The following UNC5D variants were observed in gnomAD, a reference collection of about 807,000 sequenced individuals.
UNC5D encodes the protein unc-5 netrin receptor D, also known as netrin receptor UNC5D.
Under a neutral mutation model 105.4 loss-of-function variants are expected in UNC5D, and 39 were observed. That is an observed-to-expected ratio of 0.37 (90% confidence interval 0.29 to 0.48). The LOEUF is 0.48. Ranked by LOEUF, UNC5D falls within the 20% of genes least tolerant of loss-of-function variation. The pLI is 0.98. For missense variants in UNC5D, 991 were observed against 1,202.4 expected (o/e 0.82, Z 2.60); for synonymous variants, 452 against 450.4 (o/e 1.00, Z -0.04).
chr8:35,303,120 C>CT (rs1208326199), intron 1 of UNC5D, among the ~76,000 whole-genome samples: 1 of 151,870 alleles, frequency 6.6e-6, no homozygotes. Context: ...AGGTATTTTT[C>CT]TTTTTTTAAT....
intron 2 of UNC5D, 143 bp from the exon 3 acceptor site, chr8:35,567,955 A>G (rs879222331): frequency 2.3e-6 from 3 of 1,289,116 alleles, no homozygotes; most frequent in South Asian, 1.5e-5. Flanking sequence ...GCAGTAATAT[A>G]TTATTGTCAA....
intron 1 of UNC5D, among the ~76,000 whole-genome samples, chr8:35,531,013 A>T (rs963682661): frequency 3.0e-4 from 46 of 150,874 alleles, no homozygotes; most frequent in Admixed American, 2.1e-3. Context: ...GGATTCATTG[A>T]TTTTTTGAAG....
In UNC5D at chr8:35,678,120, G is replaced by A. The variant is rs542531350; in HGVS notation, c.571-5427G>A. Among the ~76,000 whole-genome samples the A allele has an allele frequency of 3.0e-4, 46 of 152,176 alleles. 1 individual carries two copies. Among genetic ancestry groups the A allele is most frequent in the Middle Eastern group, 3.4e-3 (1 of 294 alleles). On this transcript the variant is annotated intron_variant, in intron 4 of 16. Transcript: ENST00000404895. ...GCCTATGAGTGATTGGGGGTAGACC[G>A]TACAGCAGGGCCAGCTCATATGATA... is the stretch of plus-strand genomic sequence containing the variant.
At chr8:35,364,590 G>A (rs1304462740) in intron 1 of UNC5D, among the ~76,000 whole-genome samples, 1 of 152,094 alleles carries the variant, frequency 6.6e-6, no homozygotes, top group Non-Finnish European at 1.5e-5. Context: ...TGTTATTGGA[G>A]TACCATTGGT....
intron 1 of UNC5D, among the ~76,000 whole-genome samples, chr8:35,469,932 C>T (rs983362710): frequency 2.6e-5 from 4 of 152,164 alleles, no homozygotes; most frequent in African/African-American, 9.7e-5. Context: ...ACTTCTTGCC[C>T]TTCTTCAATG....
intron 1 of UNC5D, among the ~76,000 whole-genome samples, chr8:35,539,249 A>G (rs1027690404): frequency 6.6e-6 from 1 of 152,214 alleles, no homozygotes. Context: ...GAATTTGGTG[A>G]CAATGGGTAG....
chr8:35,313,374 T>C (rs1237556445), intron 1 of UNC5D, among the ~76,000 whole-genome samples: 2 of 152,138 alleles, frequency 1.3e-5, no homozygotes, highest in Non-Finnish European at 2.9e-5. Flanking sequence ...CATTTGAACA[T>C]ATTGTAGACT....
rs144956908 is a variant in UNC5D at position 35,687,226 on chromosome 8, G to A, written c.1084+517G>A. Among the ~76,000 whole-genome samples the A allele has an allele frequency of 2.4e-3, 364 of 152,248 alleles. 1 individual carries two copies. Among genetic ancestry groups the A allele is most frequent in the African/African-American group, 8.2e-3 (339 of 41,566 alleles). ...TGGGAGGCCAAGGCAGGCGGATCGC[G>A]AGGTCAGGAGATCGAGACCATCCTG... On this transcript the variant is annotated intron_variant, in intron 7 of 16. Transcript: ENST00000404895.
At chr8:35,633,218 C>T (rs1036264502) in intron 4 of UNC5D, among the ~76,000 whole-genome samples, 4 of 152,198 alleles carry the variant, frequency 2.6e-5, no homozygotes, top group East Asian at 3.9e-4. Context: ...GTTGGTAACA[C>T]AACTCTACAA....
At chr8:35,787,892 A>T (rs2131804546) in intron 16 of UNC5D, among the ~76,000 whole-genome samples, 1 of 152,268 alleles carries the variant, frequency 6.6e-6, no homozygotes, top group East Asian at 1.9e-4. Context: ...CTCAGCCAAA[A>T]CAAATTTCTT....
chr8:35,451,391 T>G (rs935871316), intron 1 of UNC5D, among the ~76,000 whole-genome samples: 1 of 152,156 alleles, frequency 6.6e-6, no homozygotes, highest in South Asian at 2.1e-4. Flanking sequence ...AAGTGAACAC[T>G]TCATCTAATT....
intron 1 of UNC5D, among the ~76,000 whole-genome samples, chr8:35,385,490 G>A (rs896931151): frequency 3.3e-5 from 4 of 119,886 alleles, no homozygotes; most frequent in Admixed American, 1.1e-4. Flanking sequence ...TTTTGTGACA[G>A]AGTCTCGCTC....
chr8:35,252,325 A>G (rs947372869), intron 1 of UNC5D, among the ~76,000 whole-genome samples: 1 of 152,172 alleles, frequency 6.6e-6, no homozygotes, highest in African/African-American at 2.4e-5. Flanking sequence ...TTAGAAGTAA[A>G]GTTATCAACA....
chr8:35,442,240 T>C (rs1195219749), intron 1 of UNC5D, among the ~76,000 whole-genome samples: 1 of 151,898 alleles, frequency 6.6e-6, no homozygotes, highest in African/African-American at 2.4e-5. Flanking sequence ...CTTCATAACC[T>C]TGCTGCCATT....
Position 35,750,690 on chromosome 8 carries a change from C to T in UNC5D, c.2044C>T (p.Pro682Ser). 1 of 1,614,116 alleles carries T rather than the reference C, an allele frequency of 6.2e-7. No homozygotes were observed. The highest frequency in any genetic ancestry group is 1.3e-5 in the African/African-American group (1 of 75,042). Residue 682 changes from proline to serine, a missense_variant, in exon 13 of 17, where the codon CCA becomes TCA. This residue lies in a region of UNC5D where 944 missense variants were observed against 1,131.6 expected (regional missense o/e 0.83). Transcript: ENST00000404895. ...SFGTYALTGE[P>S]ITDCAVKQLK... ...TGGGACCTATGCGCTCACTGGAGAG[C>T]CAATCACAGACTGTGCCGTGAAGCA...
At chr8:35,700,105 T>G (rs977105762) in intron 7 of UNC5D, among the ~76,000 whole-genome samples, 3 of 152,198 alleles carry the variant, frequency 2.0e-5, no homozygotes, top group Admixed American at 2.0e-4. Context: ...CTAATTATCC[T>G]TCACTGCTAA....
At chr8:35,401,919 G>A (rs950776529) in intron 1 of UNC5D, among the ~76,000 whole-genome samples, 1 of 152,202 alleles carries the variant, frequency 6.6e-6, no homozygotes, top group Admixed American at 6.5e-5. Context: ...CCTGGACTGT[G>A]TTCTTAGTGA....
intron 1 of UNC5D, among the ~76,000 whole-genome samples, chr8:35,452,429 T>A (rs891080037): frequency 2.6e-5 from 4 of 152,042 alleles, no homozygotes; most frequent in African/African-American, 4.8e-5. Context: ...CATGCCCAGC[T>A]ATTTTTTTGT....
chr8:35,342,180 T>A (rs1333608660), intron 1 of UNC5D, among the ~76,000 whole-genome samples: 1 of 152,062 alleles, frequency 6.6e-6, no homozygotes, highest in African/African-American at 2.4e-5. Context: ...AATATAAAAC[T>A]CAGTGATCCA....
Sources: allele counts gnomAD v4.1 joint callset (sites outside exome capture counted in the v4.1 genomes callset), GRCh38; gene constraint gnomAD v4.1.1; regional missense constraint gnomAD v4.1.1; transcripts MANE v1.5; gene names NCBI Gene and HGNC (gene_info 2026-07-23, HGNC 2026-07-21).